The following LNX2 variants were observed in gnomAD, a reference collection of about 807,000 sequenced individuals.
LNX2 encodes the protein ligand of Numb protein X 2.
Under a neutral mutation model 66.2 loss-of-function variants are expected in LNX2, and 35 were observed. The observed-to-expected ratio is 0.53, with a 90% CI of 0.40 to 0.70. The LOEUF is 0.70. Among genes scored for constraint, LNX2 ranks in the 30% least tolerant of loss-of-function variants. LNX2 has a pLI of 0.00. For synonymous variants in LNX2, 337 were observed against 315.6 expected (o/e 1.07, Z -0.72); for missense variants, 791 against 850.8 (o/e 0.93, Z 0.87).
At chr13:27,583,512 C>T (rs555499825) in intron 1 of LNX2, among the ~76,000 whole-genome samples, 1 of 112,584 alleles carries the variant, frequency 8.9e-6, no homozygotes, top group South Asian at 2.5e-4. Context: ...CCCACCTTGG[C>T]CTCCCAAAGT....
At chr13:27,582,451 G>C (rs1955409673) in intron 1 of LNX2, among the ~76,000 whole-genome samples, 1 of 152,202 alleles carries the variant, frequency 6.6e-6, no homozygotes, top group South Asian at 2.1e-4. Context: ...ATATGTCACT[G>C]TTCAATGGTA....
intron 2 of LNX2, among the ~76,000 whole-genome samples, chr13:27,577,044 G>A (rs2147154): frequency 0.69 from 104,430 of 151,978 alleles, 37,450 homozygotes; most frequent in African/African-American, 0.9. Flanking sequence ...CATATATCTG[G>A]TAAGGGTCTA....
chr13:27,608,353 T>C (rs138685896), intron 1 of LNX2, among the ~76,000 whole-genome samples: 12 of 152,364 alleles, frequency 7.9e-5, no homozygotes, highest in African/African-American at 2.6e-4. Context: ...AGAACTTCTA[T>C]AATTCACTTT....
At chr13:27,564,512 T>C (rs752185756) in intron 4 of LNX2, among the ~76,000 whole-genome samples, 10 of 152,188 alleles carry the variant, frequency 6.6e-5, no homozygotes, top group Non-Finnish European at 1.2e-4. Flanking sequence ...TAATTTATAA[T>C]AGCAGTATTT....
chr13:27,553,327 A>G lies in LNX2; in HGVS notation c.1659T>C (p.Leu553=). Residue 553 remains leucine, a synonymous_variant, in exon 8 of 10, where the codon CTT becomes CTC. Coordinates refer to ENST00000316334, the MANE Select transcript of LNX2 (RefSeq NM_153371.4). ...TCGCCTCCTCAACAATCTGGACCTCAAGTGCTTTAAGGGCAACAGCAGGGG... is the reference window on the plus strand; with the variant it reads ...TCGCCTCCTCAACAATCTGGACCTCGAGTGCTTTAAGGGCAACAGCAGGGG... ...AASPAVALKA[L]EVQIVEEATQ... 1.9e-6 allele frequency: 3 copies of G among 1,613,752 alleles called. No homozygotes were observed. The highest frequency in any genetic ancestry group is 2.5e-6 in the Non-Finnish European group (3 of 1,179,706).
At chr13:27,560,544 C>G (rs1286590148) in intron 5 of LNX2, among the ~76,000 whole-genome samples, 1 of 81,436 alleles carries the variant, frequency 1.2e-5, no homozygotes. Flanking sequence ...TCCTGCATAA[C>G]AAGACTTTAT....
intron 6 of LNX2, among the ~76,000 whole-genome samples, chr13:27,558,646 C>G (rs1955092150): frequency 6.6e-6 from 1 of 152,048 alleles, no homozygotes. Context: ...TATGAAACAA[C>G]ACCTATTCAA....
At position 27,569,284 on chromosome 13, in the gene LNX2, AAG is replaced by A; in HGVS notation, c.408-10_408-9del. 6.9e-6 allele frequency: 11 copies of A among 1,605,046 alleles called. No individual in the cohort carries two copies. Among genetic ancestry groups the A allele is most frequent in the African/African-American group, 1.3e-5 (1 of 74,234 alleles). On this transcript the variant is annotated splice_polypyrimidine_tract_variant and intron_variant, in intron 2 of 9. Transcript: ENST00000316334. ...TGAGAAGCTCCAGGACATCTAGAAAAAGAATATCAGATGGTTTCCAGATGATT... is the reference window on the plus strand; with the variant it reads ...TGAGAAGCTCCAGGACATCTAGAAAAAATATCAGATGGTTTCCAGATGATT...
At chr13:27,591,898 A>G (rs966720028) in intron 1 of LNX2, among the ~76,000 whole-genome samples, 2 of 152,244 alleles carry the variant, frequency 1.3e-5, no homozygotes, top group Non-Finnish European at 1.5e-5. Context: ...TTGAATTTAA[A>G]ACCAAAAAGA....
chr13:27,583,451 T>C (rs369983543), intron 1 of LNX2, among the ~76,000 whole-genome samples: 2 of 152,030 alleles, frequency 1.3e-5, no homozygotes, highest in Middle Eastern at 3.4e-3. Flanking sequence ...AGACACGGGG[T>C]TTCACCATAT....
At position 27,567,773 on chromosome 13, in the gene LNX2, G is replaced by A. The variant is rs756769196; in HGVS notation, c.722C>T (p.Pro241Leu). 6.2e-7 allele frequency: 1 copy of A among 1,614,038 alleles called. No homozygotes were observed. Among genetic ancestry groups the A allele is most frequent in the Admixed American group, 1.7e-5 (1 of 59,992 alleles). The change falls in exon 4 of 10, where the codon CCT becomes CTT. Residue 241 changes from proline (P) to leucine (L), a missense_variant. Transcript: ENST00000316334. The stretch of plus-strand genomic sequence containing the variant: ...AATGCTGATTCCTAACTGAATGTAA[G>A]GATTGGACCGATGAATTTCAATCGT... The part of the protein sequence containing the change: ...ITTIEIHRSN[P>L]YIQLGISIVG...
chr13:27,616,178 GTGGGGGGT>G, intron 1 of LNX2, among the ~76,000 whole-genome samples: 1 of 136,392 alleles, frequency 7.3e-6, no homozygotes. Context: ...CGGGGGTGGG[GTGGGGGGT>G]TGGGGGGGGT....
chr13:27,556,121 A>T, intron 7 of LNX2, 115 bp downstream of exon 7: 1 of 1,016,798 alleles, frequency 9.8e-7, no homozygotes, highest in Non-Finnish European at 1.4e-6. Context: ...GGGACAGTTT[A>T]AAGAACTTAA....
chr13:27,557,366 C>T (rs2386688), intron 6 of LNX2, among the ~76,000 whole-genome samples: 92,678 of 151,600 alleles, frequency 0.61, 29,740 homozygotes, highest in African/African-American at 0.81. Context: ...TCAAAATTTA[C>T]GTATGTTAAA....
chr13:27,587,365 T>C (rs1955498729), intron 1 of LNX2, among the ~76,000 whole-genome samples: 1 of 152,196 alleles, frequency 6.6e-6, no homozygotes, highest in African/African-American at 2.4e-5. Flanking sequence ...TGTTTGCTCA[T>C]CTGCCTCCCC....
chr13:27,576,564 A>C lies in LNX2; in HGVS notation c.407+4733T>G, dbSNP rs528944844. Reference sequence around the variant, plus strand: ...AGACCCCGTCTCTACTAAAAGCACAAAAAAAAAAAAAATTAGTTGGGCATG... The same window carrying C: ...AGACCCCGTCTCTACTAAAAGCACACAAAAAAAAAAAATTAGTTGGGCATG... On this transcript the variant is annotated intron_variant, in intron 2 of 9. Coordinates refer to ENST00000316334, the MANE Select transcript of LNX2 (RefSeq NM_153371.4). 3.3e-4 allele frequency among the ~76,000 whole-genome samples: 48 copies of C among 147,682 alleles called. 1 individual carries two copies. The South Asian group carries it at 6.8e-3, about 21-fold the overall frequency.
chr13:27,601,076 C>G (rs1334312122), intron 1 of LNX2, among the ~76,000 whole-genome samples: 1 of 152,206 alleles, frequency 6.6e-6, no homozygotes, highest in African/African-American at 2.4e-5. Context: ...TCAATTTATT[C>G]ACTATTACTA....
intron 1 of LNX2, among the ~76,000 whole-genome samples, chr13:27,599,932 T>C (rs547007471): frequency 2.6e-5 from 4 of 152,154 alleles, no homozygotes; most frequent in Non-Finnish European, 5.9e-5. Context: ...GCTGTTTCCA[T>C]GGAAACAGCC....
intron 1 of LNX2, among the ~76,000 whole-genome samples, chr13:27,613,298 A>G (rs1211400123): frequency 7.3e-5 from 11 of 151,646 alleles, no homozygotes; most frequent in African/African-American, 2.4e-5. Context: ...GAGGTGGAAC[A>G]GAAGGACTGG....
Sources: gnomAD v4.1 joint callset for allele counts (sites outside exome capture counted in the v4.1 genomes callset) on GRCh38, gnomAD v4.1.1 for gene constraint, MANE v1.5 for transcripts, NCBI Gene and HGNC (gene_info 2026-07-23, HGNC 2026-07-21) for gene names.